ATL3: variants seen among roughly 807,000 people sequenced by gnomAD.
The protein encoded by ATL3 is atlastin GTPase 3.
Under a neutral mutation model 69.5 loss-of-function variants are expected in ATL3, and 49 were observed. That is an observed-to-expected ratio of 0.71 (90% confidence interval 0.56 to 0.89). The LOEUF is 0.89. Among genes scored for constraint, ATL3 ranks in the 40% least tolerant of loss-of-function variants. ATL3 has a pLI of 0.00. For missense variants in ATL3, 606 were observed against 645.7 expected, an observed-to-expected ratio of 0.94 and a Z score of 0.67; for synonymous variants, 214 against 224.1, an observed-to-expected ratio of 0.95 and a Z score of 0.40.
intron 3 of ATL3, among the ~76,000 whole-genome samples, chr11:63,653,827 T>A (rs1940156008): frequency 6.6e-6 from 1 of 152,118 alleles, no homozygotes. Context: ...TGGAGGAGTT[T>A]GTGGGGAGGG....
At chr11:63,669,365 T>C (rs1209120970) in intron 1 of ATL3, among the ~76,000 whole-genome samples, 2 of 151,170 alleles carry the variant, frequency 1.3e-5, no homozygotes, top group African/African-American at 4.9e-5. Context: ...TGAAACCCCG[T>C]CTCTACTAAA....
Position 63,629,377 on chromosome 11 carries a change from T to C in ATL3, c.1568A>G (p.Gln523Arg). The C allele has an allele frequency of 1.2e-6, 2 of 1,614,186 alleles. No individual in the cohort carries two copies. Among genetic ancestry groups the C allele is most frequent in the South Asian group, 1.1e-5 (1 of 91,076 alleles). Residue 523 changes from glutamine to arginine, a missense_variant, in exon 13 of 13, where the codon CAG (glutamine) becomes CGG (arginine). Transcript: ENST00000398868. ...QASSHIGNST[Q>R]ATVRDAVVGR... ...AACAACTGCATCCCTCACAGTGGCC[T>C]GAGTGGAATTACCGATATGAGAAGA...
At position 63,663,345 on chromosome 11, in the gene ATL3, T is replaced by A. The variant is rs7949447; in HGVS notation, c.47-4093A>T. 8.2e-3 allele frequency among the ~76,000 whole-genome samples: 1,253 copies of A among 152,226 alleles called. 19 individuals carry two copies. The highest frequency in any genetic ancestry group is 0.028 in the African/African-American group (1,154 of 41,540). Reference sequence around the variant, plus strand: ...TATGTGGCCCACATTAGTCTCAAACTCCTGGGCTCTAGTGATCCTCTCACC... The same window carrying A: ...TATGTGGCCCACATTAGTCTCAAACACCTGGGCTCTAGTGATCCTCTCACC... On this transcript the variant is annotated intron_variant, in intron 1 of 12. Transcript: ENST00000398868.
chr11:63,667,852 GT>G (rs1193188054), intron 1 of ATL3, among the ~76,000 whole-genome samples: 4 of 151,562 alleles, frequency 2.6e-5, no homozygotes, highest in Non-Finnish European at 5.9e-5. Context: ...CACAACTGTT[GT>G]GGGGGGCTAT....
Position 63,644,275 on chromosome 11 carries a change from G to A in ATL3, c.619-14C>T, listed in dbSNP as rs754557621. ...AAACATCAGTGTCTATTTAAGAAAA[G>A]AGCGGAACATATTTTAACATGCATA... is the stretch of plus-strand genomic sequence containing the variant. On this transcript the variant is annotated splice_polypyrimidine_tract_variant and intron_variant, in intron 6 of 12. Coordinates refer to ENST00000398868, the MANE Select transcript of ATL3 (RefSeq NM_015459.5). The A allele has an allele frequency of 3.3e-6, 5 of 1,516,324 alleles. No individual in the cohort carries two copies. The South Asian group carries it at 3.4e-5, about 10-fold the overall frequency. The allele number at this position is 1,516,324 out of a possible 1,614,324, so 93.9% of individuals were successfully genotyped here.
chr11:63,659,630 C>T (rs1940362042), intron 1 of ATL3, among the ~76,000 whole-genome samples: 1 of 151,706 alleles, frequency 6.6e-6, no homozygotes, highest in Admixed American at 6.6e-5. Context: ...AAAAAACGGA[C>T]ACAAAAATAC....
At chr11:63,656,025 C>A (rs979891231) in intron 3 of ATL3, among the ~76,000 whole-genome samples, 1 of 151,796 alleles carries the variant, frequency 6.6e-6, no homozygotes, top group Non-Finnish European at 1.5e-5. Context: ...GAGATCGAGA[C>A]CATCCTGGCT....
chr11:63,658,862 G>T lies in ATL3; in HGVS notation c.304C>A (p.Pro102Thr), dbSNP rs761277094. Reference sequence around the variant, plus strand: ...CCTCTCCAGGAAAATCCTGTTAACGGTTCTTCTGGGTCACCCAACCAATTT... The same window carrying T: ...CCTCTCCAGGAAAATCCTGTTAACGTTTCTTCTGGGTCACCCAACCAATTT... ...HSNWLGDPEE[P>T]LTGFSWRGGS... Residue 102 changes from proline to threonine, a missense_variant, in exon 3 of 13, where the codon CCG (proline) becomes ACG (threonine). Physicochemically the swap from Pro to Thr is conservative, Grantham distance 38. Coordinates refer to ENST00000398868, the MANE Select transcript of ATL3 (RefSeq NM_015459.5). 6.2e-7 allele frequency: 1 copy of T among 1,610,238 alleles called. No individual in the cohort carries two copies. Among genetic ancestry groups the T allele is most frequent in the East Asian group, 2.2e-5 (1 of 44,778 alleles).
intron 1 of ATL3, among the ~76,000 whole-genome samples, chr11:63,661,598 G>C (rs908002563): frequency 6.6e-6 from 1 of 151,790 alleles, no homozygotes; most frequent in South Asian, 2.1e-4. Flanking sequence ...GAAGAGAAGA[G>C]AAGGCAAGGG....
rs759814318 is a variant in ATL3 at position 63,631,232 on chromosome 11, C to A, written c.1347G>T (p.Thr449=). ...AGGCTATGTACAAAGCTACAATGCC[C>A]GTGAACAGCACTGCAGGGGTTCGGA... The part of the protein sequence containing the change: ...STFRTPAVLF[T]GIVALYIASG... Residue 449 remains threonine, a synonymous_variant, in exon 12 of 13, where the codon ACG becomes ACT. Coordinates refer to ENST00000398868, the MANE Select transcript of ATL3 (RefSeq NM_015459.5). 10 of 1,614,060 alleles carry A rather than the reference C, an allele frequency of 6.2e-6. No homozygotes were observed. The highest frequency in any genetic ancestry group is 4.5e-5 in the East Asian group (2 of 44,900).
intron 1 of ATL3, among the ~76,000 whole-genome samples, chr11:63,668,168 A>G (rs1590748808): frequency 6.6e-6 from 1 of 152,338 alleles, no homozygotes; most frequent in East Asian, 1.9e-4. Context: ...GTCTCCTTAT[A>G]AAATATCATA....
chr11:63,645,743 G>A (rs1030049478), intron 6 of ATL3, among the ~76,000 whole-genome samples: 8 of 151,608 alleles, frequency 5.3e-5, no homozygotes, highest in African/African-American at 1.7e-4. Flanking sequence ...AGGCGTGCAC[G>A]ACCTTTTTAT....
At chr11:63,636,460 C>G in intron 8 of ATL3, 126 bp from the exon 9 acceptor site, 1 of 1,310,134 alleles carries the variant, frequency 7.6e-7, no homozygotes, top group Non-Finnish European at 1.1e-6. Context: ...AGAGAGAAGC[C>G]GGGCACGGTG....
At chr11:63,657,674 G>T (rs1440573127) in intron 3 of ATL3, among the ~76,000 whole-genome samples, 1 of 152,068 alleles carries the variant, frequency 6.6e-6, no homozygotes, top group Non-Finnish European at 1.5e-5. Context: ...TTTTATTTAA[G>T]AATCTTAAAA....
chr11:63,632,365 G>T, intron 11 of ATL3: 1 of 891,420 alleles, frequency 1.1e-6, no homozygotes, highest in Non-Finnish European at 1.9e-6. Context: ...TCAAAATTCA[G>T]ATACTGTCTT....
chr11:63,631,159 T>G lies in ATL3; in HGVS notation c.1420A>C (p.Asn474His). 6.2e-7 allele frequency: 1 copy of G among 1,614,204 alleles called. No individual in the cohort carries two copies. Among genetic ancestry groups the G allele is most frequent in the Admixed American group, 1.7e-5 (1 of 60,016 alleles). The stretch of plus-strand genomic sequence containing the variant: ...ATTAACAGTAGTCCAACCATACAGT[T>G]GAACAACTGGGCTACAACCTCAAGA... ...IGLEVVAQLF[N>H]CMVGLLLIAL... The change falls in exon 12 of 13, where the codon AAC (asparagine) becomes CAC (histidine). Residue 474 changes from asparagine to histidine, a missense_variant. By Grantham distance (68) the Asn-to-His change is moderately conservative (BLOSUM62 1). Transcript: ENST00000398868.
intron 6 of ATL3, 79 bp from the exon 7 acceptor site, chr11:63,644,340 T>A: frequency 1.3e-6 from 1 of 788,628 alleles, no homozygotes; most frequent in Non-Finnish European, 2.1e-6. Context: ...CATCTTTGCA[T>A]AATGCCAGCT....
rs189372160 is a variant in ATL3 at position 63,665,618 on chromosome 11, G to A, written c.46+5672C>T. 3.0e-4 allele frequency among the ~76,000 whole-genome samples: 46 copies of A among 152,204 alleles called. No individual in the cohort carries two copies. The East Asian group carries it at 5.8e-3, about 19-fold the overall frequency. On this transcript the variant is annotated intron_variant, in intron 1 of 12. Coordinates refer to ENST00000398868, the MANE Select transcript of ATL3 (RefSeq NM_015459.5). ...AAAAGATCTTGTTGGCCAGGCATGG[G>A]AGGTCTCGCCTATAATCCTAGCACT...
rs1479012727 is a variant in ATL3, at chr11:63,628,014, CATCA to C, written c.*1301_*1304del. On this transcript the variant is annotated 3_prime_UTR_variant, in exon 13 of 13. Transcript: ENST00000398868. The stretch of plus-strand genomic sequence containing the variant: ...TGCTGCTAAGCCACATGAAATTAGA[CATCA>C]ATTAAACGCAGTAATATTTGTATCT... The C allele has an allele frequency of 2.0e-5, 3 of 152,158 alleles. No individual in the cohort carries two copies. The highest frequency in any genetic ancestry group is 2.4e-5 in the African/African-American group (1 of 41,440). The allele number at this position is 152,158 out of a possible 1,614,324, so 9.4% of individuals were successfully genotyped here.
Sources: allele counts gnomAD v4.1 joint callset (sites outside exome capture counted in the v4.1 genomes callset), GRCh38; gene constraint gnomAD v4.1.1; transcripts MANE v1.5; gene names NCBI Gene and HGNC (gene_info 2026-07-23, HGNC 2026-07-21).